ADAM2: variants seen among roughly 807,000 people sequenced by gnomAD.
The protein encoded by ADAM2 is disintegrin and metalloproteinase domain-containing protein 2.
A neutral mutation model predicts 99.3 loss-of-function variants in ADAM2; 101 were observed. That is an observed-to-expected ratio of 1.02 (90% confidence interval 0.87 to 1.20). The LOEUF (loss-of-function observed/expected upper bound fraction) is 1.20, where lower values mean the gene tolerates loss of function less well. Among genes scored for constraint, ADAM2 ranks in the 50% most tolerant of loss-of-function variants. The pLI is 0.00. For missense variants in ADAM2, 948 were observed against 878.7 expected (o/e 1.08, Z -1.00); for synonymous variants, 323 against 287.6 (o/e 1.12, Z -1.25).
intron 1 of ADAM2, 30 bp from the exon 2 acceptor site, chr8:39,837,242 A>G (rs373141167): frequency 1.3e-5 from 19 of 1,492,458 alleles, no homozygotes; most frequent in Non-Finnish European, 1.5e-5. Flanking sequence ...TTTTATTAGA[A>G]CAATGCCCAT....
chr8:39,827,474 C>T (rs1010005370), intron 3 of ADAM2, among the ~76,000 whole-genome samples: 1 of 152,058 alleles, frequency 6.6e-6, no homozygotes, highest in African/African-American at 2.4e-5. Context: ...GATACGGAAT[C>T]AAGCTTAAGT....
chr8:39,821,176 A>C lies in ADAM2; in HGVS notation c.345-6T>G, dbSNP rs535650192. On this transcript the variant is annotated splice_region_variant and splice_polypyrimidine_tract_variant and intron_variant, in intron 5 of 20. Coordinates refer to ENST00000265708, the MANE Select transcript of ADAM2 (RefSeq NM_001464.5). Reference sequence around the variant, plus strand: ...TTTCAAACTGTAGTACGCCCCTAAAAATTTCAAAAAAAAATTAATAAGTAA... The same window carrying C: ...TTTCAAACTGTAGTACGCCCCTAAACATTTCAAAAAAAAATTAATAAGTAA... 6.5e-7 allele frequency: 1 copy of C among 1,546,600 alleles called. No individual in the cohort carries two copies. Among genetic ancestry groups the C allele is most frequent in the African/African-American group, 1.4e-5 (1 of 71,752 alleles).
intron 10 of ADAM2, among the ~76,000 whole-genome samples, chr8:39,784,678 G>T (rs967563360): frequency 1.3e-5 from 2 of 152,168 alleles, no homozygotes; most frequent in African/African-American, 2.4e-5. Flanking sequence ...AGAGTCTTGT[G>T]ATTTCTTAGT....
At chr8:39,797,961 T>C (rs939530087) in intron 7 of ADAM2, among the ~76,000 whole-genome samples, 7 of 152,362 alleles carry the variant, frequency 4.6e-5, no homozygotes, top group Non-Finnish European at 1.0e-4. Context: ...TGGGGTTTTC[T>C]AAATATAAAA....
Position 39,784,470 on chromosome 8 carries a change from T to A in ADAM2, c.891+2504A>T, listed in dbSNP as rs1173518863. Among the ~76,000 whole-genome samples, 3 of 152,146 alleles carry A rather than the reference T, an allele frequency of 2.0e-5. No individual in the cohort carries two copies. The East Asian group carries it at 5.8e-4, about 29-fold the overall frequency. The stretch of plus-strand genomic sequence containing the variant: ...GTCCTGGCTCCCTGTAGCCTTGAAC[T>A]CCTAGGCTCAAGTGATCCTCCTACC... On this transcript the variant is annotated intron_variant, in intron 10 of 20. Transcript: ENST00000265708.
chr8:39,769,870 C>T (rs1243819162), intron 11 of ADAM2, among the ~76,000 whole-genome samples: 3 of 152,068 alleles, frequency 2.0e-5, no homozygotes, highest in Non-Finnish European at 4.4e-5. Flanking sequence ...TTCATTTGTG[C>T]TCTTTCTTTT....
chr8:39,787,800 T>C (rs1462286014), intron 9 of ADAM2, among the ~76,000 whole-genome samples: 1 of 151,820 alleles, frequency 6.6e-6, no homozygotes, highest in South Asian at 2.1e-4. Flanking sequence ...CAAATAGATA[T>C]TGTGAAAATT....
Position 39,788,668 on chromosome 8 carries a change from C to T in ADAM2, c.642+1G>A. The T allele has an allele frequency of 6.4e-7, 1 of 1,573,004 alleles. No individual in the cohort carries two copies. The highest frequency in any genetic ancestry group is 1.2e-5 in the South Asian group (1 of 85,858). On this transcript the variant is annotated splice_donor_variant, in intron 8 of 20. Coordinates refer to ENST00000265708, the MANE Select transcript of ADAM2 (RefSeq NM_001464.5). LOFTEE classifies it high-confidence loss of function. Reference sequence around the variant, plus strand: ...AAAAGTACTAAGAAGCAAAGACTTACAGCATTCGTCAATCCAATCAACTGG... The same window carrying T: ...AAAAGTACTAAGAAGCAAAGACTTATAGCATTCGTCAATCCAATCAACTGG...
intron 7 of ADAM2, among the ~76,000 whole-genome samples, chr8:39,789,925 ACAAATGC>A (rs1426165522): frequency 6.6e-6 from 1 of 151,916 alleles, no homozygotes; most frequent in Non-Finnish European, 1.5e-5. Flanking sequence ...TAACTAGTAC[ACAAATGC>A]AAATATTCTC....
At chr8:39,789,115 A>G (rs1283144249) in intron 7 of ADAM2, among the ~76,000 whole-genome samples, 1 of 151,678 alleles carries the variant, frequency 6.6e-6, no homozygotes, top group Non-Finnish European at 1.5e-5. Flanking sequence ...CTAAAAGTAA[A>G]GGAACTTAAA....
At chr8:39,797,794 T>A (rs1314459762) in intron 7 of ADAM2, among the ~76,000 whole-genome samples, 5 of 152,226 alleles carry the variant, frequency 3.3e-5, no homozygotes, top group Non-Finnish European at 7.3e-5. Flanking sequence ...TTTTATTTTC[T>A]TTGTAGCAAT....
chr8:39,813,937 T>C (rs184700392), intron 6 of ADAM2, among the ~76,000 whole-genome samples: 1 of 148,252 alleles, frequency 6.7e-6, no homozygotes, highest in East Asian at 2.0e-4. Flanking sequence ...ATAAATAAAA[T>C]AAATATATGT....
At chr8:39,749,570 T>G (rs564811074) in intron 17 of ADAM2, 97 bp downstream of exon 17, 1 of 1,320,264 alleles carries the variant, frequency 7.6e-7, no homozygotes, top group African/African-American at 1.8e-5. Flanking sequence ...TTTTGGTGTG[T>G]GTGTGTGTGT....
intron 3 of ADAM2, among the ~76,000 whole-genome samples, chr8:39,832,031 T>C (rs1303593224): frequency 6.6e-6 from 1 of 152,154 alleles, no homozygotes; most frequent in African/African-American, 2.4e-5. Context: ...ATGACTACCA[T>C]GTCATAGACA....
intron 7 of ADAM2, among the ~76,000 whole-genome samples, chr8:39,800,500 G>A (rs923627002): frequency 6.6e-6 from 1 of 152,102 alleles, no homozygotes; most frequent in African/African-American, 2.4e-5. Flanking sequence ...ATGACTATGT[G>A]TCTTGGAGTT....
intron 7 of ADAM2, among the ~76,000 whole-genome samples, chr8:39,804,710 T>C (rs1474805258): frequency 6.6e-6 from 1 of 152,116 alleles, no homozygotes; most frequent in Non-Finnish European, 1.5e-5. Context: ...ATTATTAAAA[T>C]ATGGGACAGT....
chr8:39,788,206 G>T lies in ADAM2; in HGVS notation c.688C>A (p.Leu230Ile), dbSNP rs529358916. 2 of 1,569,404 alleles carry T rather than the reference G, an allele frequency of 1.3e-6. No homozygotes were observed. Among genetic ancestry groups the T allele is most frequent in the Non-Finnish European group, 1.7e-6 (2 of 1,151,238 alleles). ...GCAATTTTATTTTCATCTATCCAAA[G>T]CTCCAATGAAGACAGAATAATTGTA... is the stretch of plus-strand genomic sequence containing the variant. ...NITIILSSLE[L>I]WIDENKIATT... The change falls in exon 9 of 21, where the codon CTT (leucine) becomes ATT (isoleucine). Residue 230 changes from leucine to isoleucine, a missense_variant. Transcript: ENST00000265708.
intron 15 of ADAM2, among the ~76,000 whole-genome samples, chr8:39,758,403 C>G (rs1470607513): frequency 1.3e-5 from 2 of 151,596 alleles, no homozygotes; most frequent in Non-Finnish European, 2.9e-5. Context: ...GAGACAGAGA[C>G]AGAGACAAAG....
At chr8:39,753,476 A>G (rs962931933) in intron 16 of ADAM2, among the ~76,000 whole-genome samples, 2 of 152,182 alleles carry the variant, frequency 1.3e-5, no homozygotes, top group African/African-American at 4.8e-5. Context: ...TGCTGCAGAA[A>G]TTTGCATAAG....
Sources: gnomAD v4.1 joint callset for allele counts (sites outside exome capture counted in the v4.1 genomes callset) on GRCh38, gnomAD v4.1.1 for gene constraint, MANE v1.5 for transcripts, NCBI Gene and HGNC (gene_info 2026-07-23, HGNC 2026-07-21) for gene names.